The following TM4SF20 variants were observed in gnomAD, a reference collection of about 807,000 sequenced individuals.
TM4SF20 encodes the protein transmembrane 4 L six family member 20.
In TM4SF20, 13 loss-of-function variants were observed where a neutral mutation model predicts 15.1. That is an observed-to-expected ratio of 0.86 (90% CI 0.56 to 1.36). The LOEUF is 1.36. TM4SF20 is among the 40% of genes most tolerant of loss of function. The pLI is 0.00. For synonymous variants in TM4SF20, 92 were observed against 96.6 expected (o/e 0.95, Z 0.28); for missense variants, 282 against 268.4 (o/e 1.05, Z -0.35).
chr2:227,379,122 C>T lies in TM4SF20; in HGVS notation c.147G>A (p.Glu49=). ...QFSQNPISCF[E]WWFPGIIGAG... ...CTCCTATAATTCCTGGGAACCACCA[C>T]TCAAAGCAAGAGATGGGGTTTTGAG... is the stretch of plus-strand genomic sequence containing the variant. Residue 49 remains glutamate, a synonymous_variant, in exon 1 of 4, where the codon GAG becomes GAA. Coordinates refer to ENST00000304568, the MANE Select transcript of TM4SF20 (RefSeq NM_024795.4). 1.2e-6 allele frequency: 2 copies of T among 1,614,214 alleles called. No homozygotes were observed. The highest frequency in any genetic ancestry group is 1.7e-6 in the Non-Finnish European group (2 of 1,180,034).
In TM4SF20 at chr2:227,363,885, A is replaced by C; in HGVS notation, c.529T>G (p.Phe177Val). The change falls in exon 4 of 4, where the codon TTC becomes GTC. Residue 177 changes from phenylalanine to valine, a missense_variant. Phe to Val is a conservative substitution (Grantham distance 50). Transcript: ENST00000304568. ...ASGWRASSFH[F>V]DSEENKHRLI... ...CTATGTTTGTTTTCTTCAGAATCGAAGTGGAAACTAGATGCTCTCCAGCCA... is the reference window on the plus strand; with the variant it reads ...CTATGTTTGTTTTCTTCAGAATCGACGTGGAAACTAGATGCTCTCCAGCCA... The C allele has an allele frequency of 1.2e-6, 2 of 1,614,146 alleles. No individual in the cohort carries two copies. The highest frequency in any genetic ancestry group is 1.7e-6 in the Non-Finnish European group (2 of 1,180,030).
At chr2:227,380,440 G>A (rs925599789), upstream of TM4SF20, among the ~76,000 whole-genome samples, 4 of 152,178 alleles carry the variant, frequency 2.6e-5, no homozygotes, top group African/African-American at 9.7e-5. Context: ...ACCTAGACTG[G>A]CAGAGGCAGC....
chr2:227,368,330 ATTAT>A (rs1553786636), intron 2 of TM4SF20, among the ~76,000 whole-genome samples: 3 of 56,504 alleles, frequency 5.3e-5, no homozygotes, highest in Admixed American at 2.9e-4. Flanking sequence ...GCCGCCATCT[ATTAT>A]TTATATATAT....
chr2:227,366,288 C>T, intron 2 of TM4SF20, 44 bp from the exon 3 acceptor site: 1 of 1,575,576 alleles, frequency 6.3e-7, no homozygotes, highest in Non-Finnish European at 8.6e-7. Context: ...ATGACATGTT[C>T]TTGATCTGTT....
intron 1 of TM4SF20, among the ~76,000 whole-genome samples, chr2:227,373,830 G>A (rs1430405222): frequency 6.6e-6 from 1 of 151,304 alleles, no homozygotes; most frequent in Non-Finnish European, 1.5e-5. Context: ...CAGGGAGCCT[G>A]AGGCAGAGGA....
intron 1 of TM4SF20, among the ~76,000 whole-genome samples, chr2:227,373,926 T>TAAAAAAAA (rs1560006550): frequency 1.2e-4 from 2 of 17,306 alleles, no homozygotes; most frequent in African/African-American, 2.0e-4. Context: ...AGACTCCGTC[T>TAAAAAAAA]CAAAAAAAAA....
At chr2:227,376,851 C>T (rs1424329272) in intron 1 of TM4SF20, among the ~76,000 whole-genome samples, 2 of 152,240 alleles carry the variant, frequency 1.3e-5, no homozygotes, top group African/African-American at 4.8e-5. Context: ...ACCTTGTTAA[C>T]ATTCCTAACT....
In TM4SF20 at chr2:227,363,930, T is replaced by C; in HGVS notation, c.484A>G (p.Ser162Gly). 6.2e-7 allele frequency: 1 copy of C among 1,614,214 alleles called. No individual in the cohort carries two copies. Among genetic ancestry groups the C allele is most frequent in the Non-Finnish European group, 8.5e-7 (1 of 1,180,048 alleles). The change falls in exon 4 of 4, where the codon AGT (serine) becomes GGT (glycine). Residue 162 changes from serine (S) to glycine (G), a missense_variant. Coordinates refer to ENST00000304568, the MANE Select transcript of TM4SF20 (RefSeq NM_024795.4). Reference protein sequence around the residue: ...APPTGFNKPTSNDTMASGWRA... With the variant: ...APPTGFNKPTGNDTMASGWRA... ...CAGCCACTCGCCATGGTGTCGTTAC[T>C]GGTGGGTTTATTGAAACCAGTAGGA...
chr2:227,370,792 C>T (rs1343063511), intron 2 of TM4SF20, 123 bp downstream of exon 2: 29 of 794,590 alleles, frequency 3.6e-5, no homozygotes, highest in Non-Finnish European at 4.9e-5. Flanking sequence ...GTTTCTAAGG[C>T]TGTGGCTCTG....
chr2:227,362,751 A>G lies in TM4SF20; in HGVS notation c.*973T>C, dbSNP rs979328900. The G allele has an allele frequency of 6.6e-6, 1 of 152,220 alleles. No homozygotes were observed. The highest frequency in any genetic ancestry group is 2.4e-5 in the African/African-American group (1 of 41,454). The allele number at this position is 152,220 out of a possible 1,614,324, so 9.4% of individuals were successfully genotyped here. On this transcript the variant is annotated 3_prime_UTR_variant, in exon 4 of 4. Transcript: ENST00000304568. ...ATTATAGGCAAAATTCCAAAATCCAAAAAAATGTGAAAGCCAAAACACTTC... is the reference window on the plus strand; with the variant it reads ...ATTATAGGCAAAATTCCAAAATCCAGAAAAATGTGAAAGCCAAAACACTTC...
chr2:227,375,541 G>A (rs1681413745), intron 1 of TM4SF20, among the ~76,000 whole-genome samples: 1 of 152,156 alleles, frequency 6.6e-6, no homozygotes, highest in Non-Finnish European at 1.5e-5. Flanking sequence ...CTAGGCTGGA[G>A]TACAGTGGCG....
intron 1 of TM4SF20, among the ~76,000 whole-genome samples, chr2:227,378,590 C>A (rs1043710503): frequency 5.0e-4 from 76 of 152,314 alleles, no homozygotes; most frequent in African/African-American, 1.8e-3. Context: ...TGTCTCTTAG[C>A]CCAACTCCCT....
At chr2:227,370,231 G>A (rs1305042970) in intron 2 of TM4SF20, among the ~76,000 whole-genome samples, 1 of 152,120 alleles carries the variant, frequency 6.6e-6, no homozygotes, top group Non-Finnish European at 1.5e-5. Flanking sequence ...TGAGAGAACT[G>A]AGTACATTTT....
chr2:227,364,101 G>T, intron 3 of TM4SF20, 89 bp from the exon 4 acceptor site: 2 of 1,297,442 alleles, frequency 1.5e-6, no homozygotes, highest in Non-Finnish European at 2.1e-6. Flanking sequence ...TGAGTGAAAC[G>T]AATGTACTTT....
At chr2:227,369,906 T>A (rs2076412264) in intron 2 of TM4SF20, among the ~76,000 whole-genome samples, 1 of 152,168 alleles carries the variant, frequency 6.6e-6, no homozygotes, top group African/African-American at 2.4e-5. Flanking sequence ...TGGATAAAAA[T>A]CCACTTACTA....
At chr2:227,366,384 A>G in intron 2 of TM4SF20, 140 bp from the exon 3 acceptor site, 1 of 683,496 alleles carries the variant, frequency 1.5e-6, no homozygotes, top group Non-Finnish European at 2.4e-6. Flanking sequence ...TTAGGTGTGA[A>G]TGATACAAAA....
rs546581930 is a variant in TM4SF20 at position 227,363,621 on chromosome 2, G to C, written c.*103C>G. On this transcript the variant is annotated 3_prime_UTR_variant, in exon 4 of 4. Coordinates refer to ENST00000304568, the MANE Select transcript of TM4SF20 (RefSeq NM_024795.4). Reference sequence around the variant, plus strand: ...TATGCATTTACAACGTGCTTTCTACGTGAAGGGTTGATTTTTTAAATCATC... The same window carrying C: ...TATGCATTTACAACGTGCTTTCTACCTGAAGGGTTGATTTTTTAAATCATC... 9.3e-5 allele frequency: 114 copies of C among 1,227,212 alleles called. 3 individuals carry two copies. In the East Asian group the frequency reaches 2.1e-3, roughly 23 times the overall value. The allele number at this position is 1,227,212 out of a possible 1,614,324, so 76.0% of individuals were successfully genotyped here.
Position 227,363,543 on chromosome 2 carries a change from C to A in TM4SF20, c.*181G>T. On this transcript the variant is annotated 3_prime_UTR_variant, in exon 4 of 4. Coordinates refer to ENST00000304568, the MANE Select transcript of TM4SF20 (RefSeq NM_024795.4). ...AAAATTTGAATAGTACAACACAAAA[C>A]TAATTGAAAATTCTCTCCACCTTTC... is the stretch of plus-strand genomic sequence containing the variant. The A allele has an allele frequency of 1.6e-6, 1 of 632,390 alleles. No homozygotes were observed. The highest frequency in any genetic ancestry group is 2.7e-6 in the Non-Finnish European group (1 of 375,780). 39.2% of individuals were successfully genotyped at this position (632,390 alleles called of 1,614,324 possible).
chr2:227,379,072 T>G lies in TM4SF20; in HGVS notation c.183+14A>C. ...AGGCCCTTCTTCACATCAAGTCAAA[T>G]AAATATCACTCACCATCAGACCTGC... On this transcript the variant is annotated intron_variant, in intron 1 of 3. Transcript: ENST00000304568. 6.2e-7 allele frequency: 1 copy of G among 1,611,988 alleles called. No individual in the cohort carries two copies. Among genetic ancestry groups the G allele is most frequent in the South Asian group, 1.1e-5 (1 of 90,692 alleles).
Sources: allele counts gnomAD v4.1 joint callset (sites outside exome capture counted in the v4.1 genomes callset), GRCh38; gene constraint gnomAD v4.1.1; transcripts MANE v1.5; gene names NCBI Gene and HGNC (gene_info 2026-07-23, HGNC 2026-07-21).